TNKS: variants seen among roughly 807,000 people sequenced by gnomAD.
TNKS encodes tankyrase, also known as poly [ADP-ribose] polymerase tankyrase-1.
Under a neutral mutation model 135.8 loss-of-function variants are expected in TNKS, and 72 were observed. The observed-to-expected ratio is 0.53, with a 90% CI of 0.44 to 0.64. The LOEUF (loss-of-function observed/expected upper bound fraction) is 0.64. TNKS is among the 30% of genes least tolerant of loss of function. The pLI is 0.00. For synonymous variants in TNKS, 849 were observed against 649.3 expected (o/e 1.31, Z -4.68); for missense variants, 1,769 against 1,674.0 (o/e 1.06, Z -0.99).
rs1459045863 is a variant in TNKS, at chr8:9,777,519, C to G, written c.*783C>G. On this transcript the variant is annotated 3_prime_UTR_variant, in exon 27 of 27. Transcript: ENST00000310430. ...TCAAAGCCGGTGAAGGCCACTTGCT[C>G]TTTCCAACACAAGCCTGCCACAGAG... The G allele has an allele frequency of 5.2e-4, 79 of 152,226 alleles. No homozygotes were observed. Among genetic ancestry groups the G allele is most frequent in the Admixed American group, 5.2e-3 (79 of 15,266 alleles). 9.4% of individuals were successfully genotyped at this position (152,226 alleles called of 1,614,324 possible).
At chr8:9,631,907 G>A (rs35989911) in intron 3 of TNKS, among the ~76,000 whole-genome samples, 33,280 of 151,906 alleles carry the variant, frequency 0.22, 3,925 homozygotes, top group Admixed American at 0.32. Context: ...AAACCGTATG[G>A]GGAAAGAGGA....
intron 11 of TNKS, among the ~76,000 whole-genome samples, chr8:9,715,742 G>A (rs1450856934): frequency 6.6e-6 from 1 of 152,056 alleles, no homozygotes; most frequent in Non-Finnish European, 1.5e-5. Context: ...GAACATTGGA[G>A]CATTACCCAA....
At chr8:9,616,870 T>A (rs1448555312) in intron 3 of TNKS, among the ~76,000 whole-genome samples, 1 of 152,174 alleles carries the variant, frequency 6.6e-6, no homozygotes, top group Non-Finnish European at 1.5e-5. Flanking sequence ...ATACATAGCC[T>A]CGGGCCTGCT....
intron 3 of TNKS, among the ~76,000 whole-genome samples, chr8:9,640,082 G>T (rs1366324203): frequency 6.6e-6 from 1 of 152,126 alleles, no homozygotes; most frequent in African/African-American, 2.4e-5. Flanking sequence ...TGGCAATTTT[G>T]ATAGTCTCAT....
At chr8:9,703,370 G>C (rs991666055) in intron 5 of TNKS, among the ~76,000 whole-genome samples, 8 of 152,180 alleles carry the variant, frequency 5.3e-5, no homozygotes, top group African/African-American at 1.9e-4. Flanking sequence ...CCACAGGTAA[G>C]TGAAATTGTA....
intron 18 of TNKS, among the ~76,000 whole-genome samples, chr8:9,748,430 C>T (rs1806353896): frequency 6.6e-6 from 1 of 152,140 alleles, no homozygotes. Context: ...CCATTCTTAG[C>T]CTGCTGGGAA....
intron 11 of TNKS, among the ~76,000 whole-genome samples, chr8:9,717,458 T>G (rs1480252724): frequency 6.6e-6 from 1 of 152,134 alleles, no homozygotes; most frequent in African/African-American, 2.4e-5. Context: ...CTATAAACAC[T>G]GGCATTTACC....
At chr8:9,564,736 CACCTAA>C (rs1370169045) in intron 1 of TNKS, among the ~76,000 whole-genome samples, 5 of 152,184 alleles carry the variant, frequency 3.3e-5, no homozygotes, top group Admixed American at 3.3e-4. Flanking sequence ...GCTCTTGAGG[CACCTAA>C]TACCATGCAT....
chr8:9,666,041 G>C (rs1801972259), intron 3 of TNKS, among the ~76,000 whole-genome samples: 1 of 152,012 alleles, frequency 6.6e-6, no homozygotes, highest in Non-Finnish European at 1.5e-5. Context: ...CTTGTACCTA[G>C]GAGAATCCTC....
chr8:9,707,072 A>T (rs925485526), intron 8 of TNKS, 75 bp downstream of exon 8: 56 of 1,261,548 alleles, frequency 4.4e-5, no homozygotes, highest in Non-Finnish European at 5.8e-5. Flanking sequence ...ATCTACCTTA[A>T]ATAATAACCT....
chr8:9,611,312 A>G (rs567578599), intron 2 of TNKS, among the ~76,000 whole-genome samples: 2 of 152,290 alleles, frequency 1.3e-5, no homozygotes, highest in South Asian at 4.1e-4. Flanking sequence ...GAATTTATGT[A>G]CTGAATGTTA....
At chr8:9,655,841 G>A (rs4841193) in intron 3 of TNKS, among the ~76,000 whole-genome samples, 1 of 152,080 alleles carries the variant, frequency 6.6e-6, no homozygotes, top group African/African-American at 2.4e-5. Context: ...AGCGCCTCTC[G>A]TCCTCCAAAG....
At position 9,751,725 on chromosome 8, in the gene TNKS, C is replaced by G. The variant is rs114570088; in HGVS notation, c.2949C>G (p.Pro983=). The G allele has an allele frequency of 2.0e-5, 33 of 1,614,128 alleles. No individual in the cohort carries two copies. In the Middle Eastern group the frequency reaches 6.6e-4, roughly 32 times the overall value. The part of the protein sequence containing the change: ...SASLISPAST[P]SCLSAASSID... ...CTCTGATCTCACCAGCATCCACCCC[C>G]TCCTGCCTCTCGGCTGCCAGCAGCA... is the stretch of plus-strand genomic sequence containing the variant. Residue 983 remains proline (P), a synonymous_variant, in exon 19 of 27, where the codon CCC becomes CCG. Coordinates refer to ENST00000310430, the MANE Select transcript of TNKS (RefSeq NM_003747.3).
chr8:9,686,334 A>T (rs1300130749), intron 5 of TNKS, among the ~76,000 whole-genome samples: 1 of 152,092 alleles, frequency 6.6e-6, no homozygotes, highest in African/African-American at 2.4e-5. Flanking sequence ...AACTATTCAC[A>T]CGTCCCAGAC....
At chr8:9,577,036 A>C (rs961173078) in intron 1 of TNKS, among the ~76,000 whole-genome samples, 6 of 152,200 alleles carry the variant, frequency 3.9e-5, no homozygotes, top group Admixed American at 1.3e-4. Context: ...TGAGGGTAAG[A>C]GTTCAACTGT....
At chr8:9,618,546 G>T (rs541372812) in intron 3 of TNKS, among the ~76,000 whole-genome samples, 3 of 152,154 alleles carry the variant, frequency 2.0e-5, no homozygotes, top group African/African-American at 7.2e-5. Flanking sequence ...TAAACTGAAG[G>T]ACTTGGAGGT....
intron 3 of TNKS, among the ~76,000 whole-genome samples, chr8:9,674,797 A>G (rs768072083): frequency 5.3e-5 from 8 of 152,214 alleles, no homozygotes; most frequent in Non-Finnish European, 1.2e-4. Context: ...CTACCAGGAA[A>G]ATACTCTGTT....
At chr8:9,623,647 T>C (rs1019292880) in intron 3 of TNKS, among the ~76,000 whole-genome samples, 4 of 152,126 alleles carry the variant, frequency 2.6e-5, no homozygotes, top group Non-Finnish European at 4.4e-5. Flanking sequence ...TTGTAAAAAA[T>C]GTATATCTGC....
intron 5 of TNKS, among the ~76,000 whole-genome samples, chr8:9,696,180 G>T (rs1803507310): frequency 1.3e-5 from 2 of 152,106 alleles, no homozygotes; most frequent in South Asian, 4.1e-4. Flanking sequence ...AAAGGAATGA[G>T]TTAGACAATG....
Sources: allele counts gnomAD v4.1 joint callset (sites outside exome capture counted in the v4.1 genomes callset), GRCh38; gene constraint gnomAD v4.1.1; transcripts MANE v1.5; gene names NCBI Gene and HGNC (gene_info 2026-07-23, HGNC 2026-07-21).